KATNA1: variants seen among roughly 807,000 people sequenced by gnomAD.
The protein encoded by KATNA1 is katanin p60 ATPase-containing subunit A1.
KATNA1 carries 42 observed loss-of-function variants against 62.6 expected under a neutral mutation model. The ratio of observed to expected loss-of-function variants is 0.67; its 90% CI spans 0.52 to 0.87. KATNA1 has a LOEUF of 0.87. Among genes scored for constraint, KATNA1 ranks in the 40% least tolerant of loss-of-function variants. KATNA1 has a pLI of 0.00. For synonymous variants in KATNA1, 186 were observed against 201.9 expected, an observed-to-expected ratio of 0.92 and a Z score of 0.67; for missense variants, 498 against 612.5, an observed-to-expected ratio of 0.81 and a Z score of 1.97.
intron 5 of KATNA1, among the ~76,000 whole-genome samples, chr6:149,604,176 C>T (rs139093541): frequency 2.1e-3 from 322 of 152,260 alleles, no homozygotes; most frequent in African/African-American, 7.4e-3. Flanking sequence ...CACATACATA[C>T]AAATCATTGC....
intron 4 of KATNA1, among the ~76,000 whole-genome samples, chr6:149,610,838 A>AGAGT (rs1250051090): frequency 6.6e-6 from 1 of 152,194 alleles, no homozygotes. Flanking sequence ...CTGGGCGATA[A>AGAGT]GAGTGAGACT....
chr6:149,638,110 G>T (rs1780138701), intron 2 of KATNA1, among the ~76,000 whole-genome samples: 1 of 152,082 alleles, frequency 6.6e-6, no homozygotes. Context: ...CTAGTAGCTA[G>T]GACTACAGGC....
At chr6:149,626,600 C>T (rs1273213122) in intron 3 of KATNA1, among the ~76,000 whole-genome samples, 1 of 150,600 alleles carries the variant, frequency 6.6e-6, no homozygotes, top group Admixed American at 6.6e-5. Context: ...CTTTTACATA[C>T]AATGTTACAT....
chr6:149,626,350 T>C (rs1166528012), intron 3 of KATNA1, among the ~76,000 whole-genome samples: 1 of 130,496 alleles, frequency 7.7e-6, no homozygotes, highest in Non-Finnish European at 1.5e-5. Flanking sequence ...GCGGGAGTGC[T>C]GTGGCGCGAT....
chr6:149,595,108 C>CT lies in KATNA1; in HGVS notation c.1403dup (p.Val469GlyfsTer3), dbSNP rs1778247545. ...CTGCAGCAGACACTGACTTAGAAAC[C>CT]TTTTTTAAAGCCATCTCGAAATCCT... is the stretch of plus-strand genomic sequence containing the variant. On this transcript the variant is annotated frameshift_variant, in exon 11 of 11. Coordinates refer to ENST00000367411, the MANE Select transcript of KATNA1 (RefSeq NM_007044.4). LOFTEE classifies it high-confidence loss of function. The CT allele has an allele frequency of 6.2e-7, 1 of 1,613,978 alleles. No homozygotes were observed. The highest frequency in any genetic ancestry group is 8.5e-7 in the Non-Finnish European group (1 of 1,179,964).
Position 149,599,553 on chromosome 6 carries a change from C to A in KATNA1, c.889-1203G>T, listed in dbSNP as rs560841881. Among the ~76,000 whole-genome samples the A allele has an allele frequency of 2.1e-4, 31 of 149,530 alleles. 1 individual carries two copies. In the Middle Eastern group the frequency reaches 0.024, roughly 115 times the overall value. On this transcript the variant is annotated intron_variant, in intron 7 of 10. Transcript: ENST00000367411. Reference sequence around the variant, plus strand: ...TTTTTCATTTGCAAATCATCCCTTTCTTTCTTTCCTCCCCTCTCCCCTCTC... The same window carrying A: ...TTTTTCATTTGCAAATCATCCCTTTATTTCTTTCCTCCCCTCTCCCCTCTC...
At chr6:149,638,986 G>A (rs951091690) in intron 1 of KATNA1, among the ~76,000 whole-genome samples, 4 of 151,314 alleles carry the variant, frequency 2.6e-5, no homozygotes, top group African/African-American at 4.8e-5. Flanking sequence ...TGATCTGCCC[G>A]CCTCGGCCTC....
intron 7 of KATNA1, among the ~76,000 whole-genome samples, chr6:149,599,586 CCT>C (rs1289127942): frequency 3.6e-5 from 4 of 110,630 alleles, no homozygotes; most frequent in Non-Finnish European, 8.9e-5. Flanking sequence ...CTCCCCTCTC[CCT>C]CTCTCTGTAA....
At chr6:149,597,787 G>GT (rs1251448433) in intron 8 of KATNA1, 146 bp from the exon 9 acceptor site, 4 of 675,248 alleles carry the variant, frequency 5.9e-6, no homozygotes, top group Non-Finnish European at 9.8e-6. Flanking sequence ...AGGTTAACTG[G>GT]TACCTATGTG....
intron 4 of KATNA1, among the ~76,000 whole-genome samples, chr6:149,616,893 A>C (rs919884061): frequency 1.3e-5 from 2 of 152,248 alleles, no homozygotes. Flanking sequence ...AAAGCCAAAC[A>C]GTGACAGCAA....
intron 7 of KATNA1, among the ~76,000 whole-genome samples, chr6:149,598,900 T>C (rs547205194): frequency 1.3e-5 from 2 of 152,262 alleles, no homozygotes; most frequent in Admixed American, 1.3e-4. Flanking sequence ...GGTCTTGCTC[T>C]GTCATCCAGG....
chr6:149,634,158 A>T (rs1466399691), intron 2 of KATNA1, among the ~76,000 whole-genome samples: 1 of 151,260 alleles, frequency 6.6e-6, no homozygotes. Context: ...CTGGAATCTC[A>T]GCTACTTGGG....
chr6:149,612,959 C>A (rs1424292037), intron 4 of KATNA1, among the ~76,000 whole-genome samples: 7 of 151,734 alleles, frequency 4.6e-5, no homozygotes, highest in Non-Finnish European at 1.0e-4. Context: ...TATCCTCAAC[C>A]TGATAAAGAG....
chr6:149,627,681 C>CAA (rs33939382), intron 3 of KATNA1, among the ~76,000 whole-genome samples: 51,083 of 147,512 alleles, frequency 0.35, 10,218 homozygotes, highest in East Asian at 0.8. Flanking sequence ...GACTCTGTCT[C>CAA]AAAAAAAAAG....
chr6:149,602,656 T>C (rs1778591288), intron 6 of KATNA1, among the ~76,000 whole-genome samples: 1 of 152,086 alleles, frequency 6.6e-6, no homozygotes. Flanking sequence ...AAATGGAGTG[T>C]TTTTGCATTA....
At chr6:149,636,096 A>T (rs996268555) in intron 2 of KATNA1, among the ~76,000 whole-genome samples, 2 of 151,950 alleles carry the variant, frequency 1.3e-5, no homozygotes, top group Non-Finnish European at 2.9e-5. Flanking sequence ...ATAAAAATAA[A>T]AATAAACTAT....
At position 149,604,732 on chromosome 6, in the gene KATNA1, A is replaced by G; in HGVS notation, c.552T>C (p.Ser184=). The change falls in exon 5 of 11, where the codon AGT becomes AGC. Residue 184 remains serine (S), a synonymous_variant. Transcript: ENST00000367411. ...VTEPETNKFD[S]TGYDKDLVEA... ...CTACTAAGTCTTTATCATATCCGGTACTATCAAATTTATTTGTCTCTGGTT... is the reference window on the plus strand; with the variant it reads ...CTACTAAGTCTTTATCATATCCGGTGCTATCAAATTTATTTGTCTCTGGTT... 6.2e-7 allele frequency: 1 copy of G among 1,612,382 alleles called. No homozygotes were observed. Among genetic ancestry groups the G allele is most frequent in the South Asian group, 1.1e-5 (1 of 91,070 alleles).
rs1778255551 is a variant in KATNA1 at position 149,595,237 on chromosome 6, A to G, written c.1278-3T>C. On this transcript the variant is annotated splice_region_variant and splice_polypyrimidine_tract_variant and intron_variant, in intron 10 of 10. Coordinates refer to ENST00000367411, the MANE Select transcript of KATNA1 (RefSeq NM_007044.4). ...TCATTGCCATCAAGGACGCATCCCT[A>G]GGTTTTAAGTTAAAAACAACAACAA... is the stretch of plus-strand genomic sequence containing the variant. 6.2e-7 allele frequency: 1 copy of G among 1,611,076 alleles called. No individual in the cohort carries two copies. Among genetic ancestry groups the G allele is most frequent in the African/African-American group, 1.3e-5 (1 of 74,980 alleles).
At chr6:149,627,267 A>G (rs1390582036) in intron 3 of KATNA1, among the ~76,000 whole-genome samples, 3 of 151,420 alleles carry the variant, frequency 2.0e-5, no homozygotes, top group Non-Finnish European at 4.4e-5. Context: ...GGTGGCTCAC[A>G]CATGTGATCC....
Sources: allele counts gnomAD v4.1 joint callset (sites outside exome capture counted in the v4.1 genomes callset), GRCh38; gene constraint gnomAD v4.1.1; transcripts MANE v1.5; gene names NCBI Gene and HGNC (gene_info 2026-07-23, HGNC 2026-07-21).